Variants in HS6ST3 observed in about 807,000 individuals in gnomAD.
HS6ST3 encodes the protein heparan sulfate 6-O-sulfotransferase 3.
In HS6ST3, 12 loss-of-function variants were observed where a neutral mutation model predicts 36.7. The observed-to-expected ratio is 0.33, with a 90% confidence interval of 0.21 to 0.53. The LOEUF (loss-of-function observed/expected upper bound fraction) is 0.53, where lower values mean the gene tolerates loss of function less well. HS6ST3 is among the 20% of genes least tolerant of loss of function. HS6ST3 has a pLI of 0.95. For synonymous variants in HS6ST3, 240 were observed against 257.5 expected (o/e 0.93, Z 0.65); for missense variants, 584 against 640.9 (o/e 0.91, Z 0.96).
intron 1 of HS6ST3, among the ~76,000 whole-genome samples, chr13:96,160,667 C>G (rs773312617): frequency 1.9e-4 from 29 of 152,146 alleles, no homozygotes; most frequent in Non-Finnish European, 3.2e-4. Context: ...CAACAGCTTC[C>G]CTTATAGCTT....
At chr13:96,709,674 C>G (rs1875514819) in intron 1 of HS6ST3, among the ~76,000 whole-genome samples, 1 of 152,110 alleles carries the variant, frequency 6.6e-6, no homozygotes, top group African/African-American at 2.4e-5. Flanking sequence ...CACCAAGAAC[C>G]CAACCATGCT....
intron 1 of HS6ST3, among the ~76,000 whole-genome samples, chr13:96,149,712 A>G (rs754455587): frequency 6.6e-6 from 1 of 152,246 alleles, no homozygotes; most frequent in African/African-American, 2.4e-5. Flanking sequence ...TTTTATGTCC[A>G]TGACAGAAAT....
intron 1 of HS6ST3, among the ~76,000 whole-genome samples, chr13:96,170,310 T>G (rs369761585): frequency 6.6e-5 from 10 of 152,370 alleles, no homozygotes; most frequent in African/African-American, 2.2e-4. Flanking sequence ...GAAAGTTTGA[T>G]GTCCTTCTTA....
chr13:96,385,180 C>CAAAA (rs11317656), intron 1 of HS6ST3, among the ~76,000 whole-genome samples: 3 of 129,324 alleles, frequency 2.3e-5, no homozygotes, highest in Non-Finnish European at 3.3e-5. Context: ...ACTCTGTATC[C>CAAAA]AAAAAAAAAA....
At chr13:96,782,214 C>T (rs1437537314) in intron 1 of HS6ST3, among the ~76,000 whole-genome samples, 3 of 152,218 alleles carry the variant, frequency 2.0e-5, no homozygotes, top group South Asian at 2.1e-4. Flanking sequence ...TGTTTATATA[C>T]GTTAATCTTA....
At chr13:96,426,274 GT>G (rs1241326289) in intron 1 of HS6ST3, among the ~76,000 whole-genome samples, 2 of 152,204 alleles carry the variant, frequency 1.3e-5, no homozygotes, top group East Asian at 3.9e-4. Context: ...CTCTATTTGT[GT>G]TTTTTGAATC....
At chr13:96,794,311 C>A (rs890697009) in intron 1 of HS6ST3, among the ~76,000 whole-genome samples, 1 of 152,000 alleles carries the variant, frequency 6.6e-6, no homozygotes, top group African/African-American at 2.4e-5. Context: ...TAAGTATATG[C>A]AAAACACATC....
In HS6ST3 at chr13:96,632,335, G is replaced by GT. The variant is rs759352949; in HGVS notation, c.708-200148dup. 2.9e-3 allele frequency among the ~76,000 whole-genome samples: 437 copies of GT among 151,202 alleles called. 1 individual carries two copies. Among genetic ancestry groups the GT allele is most frequent in the Non-Finnish European group, 5.0e-3 (337 of 67,778 alleles). On this transcript the variant is annotated intron_variant, in intron 1 of 1. Transcript: ENST00000376705. The stretch of plus-strand genomic sequence containing the variant: ...TGTTTTTTTTTGTTTGTTTGTTTTT[G>GT]TTTTTTTGTTTTTTTCTGACCCATT...
intron 1 of HS6ST3, among the ~76,000 whole-genome samples, chr13:96,325,584 G>A (rs772845899): frequency 4.1e-4 from 62 of 152,278 alleles, no homozygotes; most frequent in Non-Finnish European, 7.9e-4. Context: ...GATGTGTGTA[G>A]ATTATATGCA....
rs546463996 is a variant in HS6ST3 at position 96,401,479 on chromosome 13, A to G, written c.707+309910A>G. Among the ~76,000 whole-genome samples, 7 of 152,280 alleles carry G rather than the reference A, an allele frequency of 4.6e-5. No homozygotes were observed. The East Asian group carries it at 1.4e-3, about 29-fold the overall frequency. ...GCAGACAGCATCTGAATGTGCCCCAATCTTGGTAGCACTGTCCTTTCTCAG... is the reference window on the plus strand; with the variant it reads ...GCAGACAGCATCTGAATGTGCCCCAGTCTTGGTAGCACTGTCCTTTCTCAG... On this transcript the variant is annotated intron_variant, in intron 1 of 1. Coordinates refer to ENST00000376705, the MANE Select transcript of HS6ST3 (RefSeq NM_153456.4).
At chr13:96,451,134 G>A (rs770878007) in intron 1 of HS6ST3, among the ~76,000 whole-genome samples, 3 of 148,792 alleles carry the variant, frequency 2.0e-5, no homozygotes, top group African/African-American at 5.2e-5. Context: ...AATGTGTAAT[G>A]TAATTTAATG....
intron 1 of HS6ST3, among the ~76,000 whole-genome samples, chr13:96,271,667 A>G (rs1443804637): frequency 6.6e-6 from 1 of 152,008 alleles, no homozygotes; most frequent in Non-Finnish European, 1.5e-5. Context: ...GCTTGGGAGA[A>G]GGTGACATGT....
At position 96,194,000 on chromosome 13, in the gene HS6ST3, C is replaced by T. The variant is rs563918003; in HGVS notation, c.707+102431C>T. On this transcript the variant is annotated intron_variant, in intron 1 of 1. Coordinates refer to ENST00000376705, the MANE Select transcript of HS6ST3 (RefSeq NM_153456.4). ...GCTTTTCAGTAATAATAACAACAGACATGAGTTATTGGACGTTTACAATGG... is the reference window on the plus strand; with the variant it reads ...GCTTTTCAGTAATAATAACAACAGATATGAGTTATTGGACGTTTACAATGG... 3.3e-5 allele frequency among the ~76,000 whole-genome samples: 5 copies of T among 152,284 alleles called. No individual in the cohort carries two copies. The East Asian group carries it at 9.6e-4, about 29-fold the overall frequency.
At chr13:96,232,849 G>A (rs1194959100) in intron 1 of HS6ST3, among the ~76,000 whole-genome samples, 1 of 152,212 alleles carries the variant, frequency 6.6e-6, no homozygotes, top group African/African-American at 2.4e-5. Context: ...GGGTAAAAAT[G>A]ATGTTGGGAA....
intron 1 of HS6ST3, among the ~76,000 whole-genome samples, chr13:96,793,089 T>G (rs977369564): frequency 6.6e-6 from 1 of 152,022 alleles, no homozygotes; most frequent in African/African-American, 2.4e-5. Flanking sequence ...TGAGTGACCT[T>G]GCGTCTCGCC....
chr13:96,788,108 A>G (rs1211610803), intron 1 of HS6ST3, among the ~76,000 whole-genome samples: 1 of 151,854 alleles, frequency 6.6e-6, no homozygotes, highest in African/African-American at 2.4e-5. Context: ...TTTCATTTCT[A>G]TCCCTTTGCC....
chr13:96,632,654 A>T lies in HS6ST3; in HGVS notation c.708-199836A>T, dbSNP rs531663365. Among the ~76,000 whole-genome samples the T allele has an allele frequency of 8.7e-4, 133 of 152,328 alleles. 1 individual carries two copies. The highest frequency in any genetic ancestry group is 3.0e-3 in the African/African-American group (126 of 41,586). On this transcript the variant is annotated intron_variant, in intron 1 of 1. Coordinates refer to ENST00000376705, the MANE Select transcript of HS6ST3 (RefSeq NM_153456.4). ...AAGGAAGATGGGATCACTGGTTTTGACATTTAGCTATGGCCTGCTGAGCTC... is the reference window on the plus strand; with the variant it reads ...AAGGAAGATGGGATCACTGGTTTTGTCATTTAGCTATGGCCTGCTGAGCTC...
At chr13:96,552,897 A>C (rs1479291338) in intron 1 of HS6ST3, among the ~76,000 whole-genome samples, 1 of 152,186 alleles carries the variant, frequency 6.6e-6, no homozygotes, top group East Asian at 1.9e-4. Flanking sequence ...AGCTACCAGA[A>C]CTGGAGTGCA....
intron 1 of HS6ST3, among the ~76,000 whole-genome samples, chr13:96,767,229 C>T (rs190307695): frequency 5.3e-4 from 80 of 152,318 alleles, no homozygotes; most frequent in African/African-American, 1.9e-3. Flanking sequence ...ATTAAACAAA[C>T]ATTCACCAAA....
Sources: allele counts gnomAD v4.1 joint callset (sites outside exome capture counted in the v4.1 genomes callset), GRCh38; gene constraint gnomAD v4.1.1; transcripts MANE v1.5; gene names NCBI Gene and HGNC (gene_info 2026-07-23, HGNC 2026-07-21).